The following FHOD3 variants were observed in gnomAD, a reference collection of about 807,000 sequenced individuals.
FHOD3 encodes the protein formin homology 2 domain containing 3.
FHOD3 carries 90 observed loss-of-function variants against 173.0 expected under a neutral mutation model. The observed-to-expected ratio is 0.52, with a 90% confidence interval of 0.44 to 0.62. The LOEUF is 0.62. Ranked by LOEUF, FHOD3 falls within the 20% of genes least tolerant of loss-of-function variation. The probability of loss-of-function intolerance (pLI) is 0.00; values close to 1 mark genes in which losing one functional copy is unlikely to be tolerated. For synonymous variants in FHOD3, 828 were observed against 823.0 expected, an observed-to-expected ratio of 1.01 and a Z score of -0.10; for missense variants, 1,945 against 2,034.7, an observed-to-expected ratio of 0.96 and a Z score of 0.85.
chr18:36,338,526 A>T (rs1418353884), intron 1 of FHOD3, among the ~76,000 whole-genome samples: 3 of 152,196 alleles, frequency 2.0e-5, no homozygotes, highest in Admixed American at 2.0e-4. Context: ...GATGTCCTGC[A>T]GGCCCCATCA....
chr18:36,693,295 C>A lies in FHOD3; in HGVS notation c.2108C>A (p.Ser703Tyr). Reference protein sequence around the residue: ...RSVSRGRADLSLDLTSPAAPA... With the variant: ...RSVSRGRADLYLDLTSPAAPA... The stretch of plus-strand genomic sequence containing the variant: ...GTGAGCCGGGGCAGAGCCGACCTCT[C>A]CTTGGACCTGACCTCGCCAGCAGCC... Residue 703 changes from serine (S) to tyrosine (Y), a missense_variant, in exon 17 of 29, where the codon TCC becomes TAC. By Grantham distance (144) the Ser-to-Tyr change is moderately radical (BLOSUM62 -2). Transcript: ENST00000590592. 1 of 1,613,870 alleles carries A rather than the reference C, an allele frequency of 6.2e-7. No homozygotes were observed. Among genetic ancestry groups the A allele is most frequent in the Non-Finnish European group, 8.5e-7 (1 of 1,179,854 alleles).
intron 1 of FHOD3, among the ~76,000 whole-genome samples, chr18:36,309,965 A>C (rs2092212059): frequency 6.6e-6 from 1 of 152,236 alleles, no homozygotes. Context: ...AATGAAAATC[A>C]GTTGGTTCAT....
chr18:36,534,284 A>T (rs1472572498), intron 5 of FHOD3, among the ~76,000 whole-genome samples: 1 of 152,104 alleles, frequency 6.6e-6, no homozygotes, highest in Admixed American at 6.6e-5. Flanking sequence ...GCCTCTGGGT[A>T]ATGCTGTGCT....
At chr18:36,562,473 G>A (rs2058122043) in intron 5 of FHOD3, among the ~76,000 whole-genome samples, 3 of 152,208 alleles carry the variant, frequency 2.0e-5, no homozygotes, top group Non-Finnish European at 2.9e-5. Context: ...TTAAAGAGTT[G>A]AAATTTTGAA....
Position 36,354,793 on chromosome 18 carries a change from G to A in FHOD3, c.166-746G>A, listed in dbSNP as rs543259022. Among the ~76,000 whole-genome samples, 22 of 148,746 alleles carry A rather than the reference G, an allele frequency of 1.5e-4. 1 individual carries two copies. The South Asian group carries it at 4.1e-3, about 28-fold the overall frequency. On this transcript the variant is annotated intron_variant, in intron 1 of 28. Transcript: ENST00000590592. ...TGCACTCTAGCCTGGGTGACAGAGCGAGACTCTGTCGCCAAAAAAAAAAAA... is the reference window on the plus strand; with the variant it reads ...TGCACTCTAGCCTGGGTGACAGAGCAAGACTCTGTCGCCAAAAAAAAAAAA...
At chr18:36,462,010 C>T (rs1289744486) in intron 3 of FHOD3, among the ~76,000 whole-genome samples, 1 of 152,182 alleles carries the variant, frequency 6.6e-6, no homozygotes, top group African/African-American at 2.4e-5. Flanking sequence ...ATAGTATCCA[C>T]TGTAGAATAA....
intron 3 of FHOD3, among the ~76,000 whole-genome samples, chr18:36,413,625 G>A (rs879576252): frequency 6.6e-6 from 1 of 152,170 alleles, no homozygotes; most frequent in African/African-American, 2.4e-5. Context: ...AGGCAGCCTG[G>A]ATTTATGTGC....
intron 1 of FHOD3, among the ~76,000 whole-genome samples, chr18:36,309,038 A>C (rs1169583037): frequency 6.6e-6 from 1 of 152,058 alleles, no homozygotes; most frequent in East Asian, 1.9e-4. Context: ...TACAGCTTGC[A>C]AGGAAGCCCC....
At chr18:36,309,368 A>G (rs1211090259) in intron 1 of FHOD3, among the ~76,000 whole-genome samples, 1 of 152,190 alleles carries the variant, frequency 6.6e-6, no homozygotes, top group Non-Finnish European at 1.5e-5. Flanking sequence ...AGAGGAAGGT[A>G]GACCTGGGGA....
chr18:36,695,731 T>C (rs987050105), intron 17 of FHOD3, among the ~76,000 whole-genome samples: 1 of 152,250 alleles, frequency 6.6e-6, no homozygotes, highest in African/African-American at 2.4e-5. Context: ...GGTTTCCTTC[T>C]GCTTTGTAGA....
At chr18:36,479,151 T>C (rs1472389873) in intron 3 of FHOD3, among the ~76,000 whole-genome samples, 1 of 152,218 alleles carries the variant, frequency 6.6e-6, no homozygotes, top group Admixed American at 6.5e-5. Context: ...ATAAAGTAGG[T>C]AACCTCTGTT....
chr18:36,306,366 TACTC>T (rs1352597719), intron 1 of FHOD3, among the ~76,000 whole-genome samples: 3 of 152,232 alleles, frequency 2.0e-5, no homozygotes, highest in African/African-American at 4.8e-5. Context: ...TGCACTGTCT[TACTC>T]ACTGTAGTTT....
intron 2 of FHOD3, among the ~76,000 whole-genome samples, chr18:36,356,667 G>A (rs143164840): frequency 0.014 from 2,111 of 150,954 alleles, 38 homozygotes; most frequent in African/African-American, 0.047. Context: ...ACGGAATCTC[G>A]CTCTGTCACC....
chr18:36,579,655 G>A (rs1160201173), intron 6 of FHOD3, among the ~76,000 whole-genome samples: 1 of 152,184 alleles, frequency 6.6e-6, no homozygotes, highest in East Asian at 1.9e-4. Context: ...TTGATTCTCT[G>A]CCATGTGAGG....
chr18:36,436,549 G>T (rs1194847897), intron 3 of FHOD3, among the ~76,000 whole-genome samples: 1 of 152,128 alleles, frequency 6.6e-6, no homozygotes, highest in South Asian at 2.1e-4. Flanking sequence ...GCTATGTTAC[G>T]TCCCATGATT....
chr18:36,516,631 G>A (rs1261466521), intron 5 of FHOD3, among the ~76,000 whole-genome samples: 3 of 152,168 alleles, frequency 2.0e-5, no homozygotes, highest in Admixed American at 6.5e-5. Flanking sequence ...TGTCATCTCC[G>A]CTACTTGGAG....
At chr18:36,745,912 A>G (rs2042137348) in intron 23 of FHOD3, among the ~76,000 whole-genome samples, 1 of 151,410 alleles carries the variant, frequency 6.6e-6, no homozygotes, top group South Asian at 2.1e-4. Context: ...TGCTTGCTGG[A>G]CACAGCCTTT....
chr18:36,497,381 A>G (rs2054799839), intron 3 of FHOD3, among the ~76,000 whole-genome samples: 1 of 152,354 alleles, frequency 6.6e-6, no homozygotes, highest in East Asian at 1.9e-4. Context: ...TTCTAGTGCC[A>G]CTGAAGAGTA....
At chr18:36,554,207 A>G (rs1175197125) in intron 5 of FHOD3, among the ~76,000 whole-genome samples, 1 of 152,172 alleles carries the variant, frequency 6.6e-6, no homozygotes, top group Non-Finnish European at 1.5e-5. Flanking sequence ...TTGTGGCACT[A>G]TTCACAATAG....
Sources: gnomAD v4.1 joint callset for allele counts (sites outside exome capture counted in the v4.1 genomes callset) on GRCh38, gnomAD v4.1.1 for gene constraint, MANE v1.5 for transcripts, NCBI Gene and HGNC (gene_info 2026-07-23, HGNC 2026-07-21) for gene names.